TMUB2: variants seen among roughly 807,000 people sequenced by gnomAD.
TMUB2 encodes the protein transmembrane and ubiquitin-like domain-containing protein 2.
TMUB2 carries 19 observed loss-of-function variants against 20.2 expected under a neutral mutation model. The ratio of observed to expected loss-of-function variants is 0.94; its 90% CI spans 0.66 to 1.38. The LOEUF (loss-of-function observed/expected upper bound fraction) is 1.38. Among genes scored for constraint, TMUB2 ranks in the 40% most tolerant of loss-of-function variants. The pLI is 0.00. For synonymous variants in TMUB2, 186 were observed against 166.0 expected (o/e 1.12, Z -0.92); for missense variants, 426 against 402.5 (o/e 1.06, Z -0.50).
chr17:44,190,611 TTCACTGCCACCGC>T lies in TMUB2; in HGVS notation c.718_730del (p.Cys240ProfsTer71). ...CTGAACATTACCGACAACTGTGTGA[TTCACTGCCACCGC>T]TCACCCCCAGGGTCAGCTGTTCCAG... On this transcript the variant is annotated frameshift_variant, in exon 4 of 4. Transcript: ENST00000538716. LOFTEE classifies it high-confidence loss of function. 1 of 1,614,202 alleles carries T rather than the reference TTCACTGCCACCGC, an allele frequency of 6.2e-7. No individual in the cohort carries two copies. The highest frequency in any genetic ancestry group is 8.5e-7 in the Non-Finnish European group (1 of 1,180,040).
intron 2 of TMUB2, chr17:44,188,025 G>C (rs529724513): frequency 2.2e-6 from 1 of 449,156 alleles, no homozygotes; most frequent in East Asian, 3.9e-5. Context: ...TAAGTATAAT[G>C]AAGTTTTATA....
At position 44,189,153 on chromosome 17, in the gene TMUB2, C is replaced by T. The variant is rs1179679451; in HGVS notation, c.167C>T (p.Thr56Ile). 3.7e-6 allele frequency: 6 copies of T among 1,614,092 alleles called. No individual in the cohort carries two copies. The highest frequency in any genetic ancestry group is 5.1e-6 in the Non-Finnish European group (6 of 1,180,014). ...ILALVLAWLS[T>I]YVADSGSNQL... is the part of the protein sequence containing the mutation. The stretch of plus-strand genomic sequence containing the variant: ...GCCTTGGTCCTAGCTTGGCTCTCTA[C>T]CTACGTAGCAGACAGCGGTAGCAAC... Residue 56 changes from threonine (T) to isoleucine (I), a missense_variant, in exon 3 of 4, where the codon ACC (threonine) becomes ATC (isoleucine). Coordinates refer to ENST00000538716, the MANE Select transcript of TMUB2 (RefSeq NM_001076674.3).
At chr17:44,188,997 A>C in intron 2 of TMUB2, 25 bp from the exon 3 acceptor site, 2 of 1,598,080 alleles carry the variant, frequency 1.3e-6, no homozygotes. Context: ...GGCTCTGCTG[A>C]TGCTGTCCCC....
rs572974795 is a variant in TMUB2, at chr17:44,190,242, T to G, written c.603-259T>G. 7.6e-4 allele frequency: 275 copies of G among 363,940 alleles called. 1 individual carries two copies. Among genetic ancestry groups the G allele is most frequent in the African/African-American group, 5.2e-3 (239 of 45,900 alleles). The allele number at this position is 363,940 out of a possible 1,614,324, so 22.5% of individuals were successfully genotyped here. Reference sequence around the variant, plus strand: ...GGCGCACTCCTGTAGTCCCAGCTACTCGGGAGGGTGAGGCAGGAGAATTGC... The same window carrying G: ...GGCGCACTCCTGTAGTCCCAGCTACGCGGGAGGGTGAGGCAGGAGAATTGC... On this transcript the variant is annotated intron_variant, in intron 3 of 3. Coordinates refer to ENST00000538716, the MANE Select transcript of TMUB2 (RefSeq NM_001076674.3).
Position 44,190,695 on chromosome 17 carries a change from T to G in TMUB2, c.797T>G (p.Leu266Arg). 6.2e-7 allele frequency: 1 copy of G among 1,614,230 alleles called. No homozygotes were observed. The highest frequency in any genetic ancestry group is 1.3e-5 in the African/African-American group (1 of 75,062). The stretch of plus-strand genomic sequence containing the variant: ...CCCTCGGCCACTGAGCCACCCAGCC[T>G]TGGTGTCAATGTGGGCAGCCTCATG... ...LAPSATEPPS[L>R]GVNVGSLMVP... The change falls in exon 4 of 4, where the codon CTT (leucine) becomes CGT (arginine). Residue 266 changes from leucine to arginine, a missense_variant. Transcript: ENST00000538716.
rs770357375 is a variant in TMUB2, at chr17:44,190,615, C to T, written c.717C>T (p.His239=). ...SLNITDNCVI[H]CHRSPPGSAV... is the part of the protein sequence containing the mutation. Reference sequence around the variant, plus strand: ...ACATTACCGACAACTGTGTGATTCACTGCCACCGCTCACCCCCAGGGTCAG... The same window carrying T: ...ACATTACCGACAACTGTGTGATTCATTGCCACCGCTCACCCCCAGGGTCAG... The change falls in exon 4 of 4, where the codon CAC becomes CAT. Residue 239 remains histidine, a synonymous_variant. Transcript: ENST00000538716. 2 of 1,614,246 alleles carry T rather than the reference C, an allele frequency of 1.2e-6. No individual in the cohort carries two copies. Among genetic ancestry groups the T allele is most frequent in the South Asian group, 1.1e-5 (1 of 91,088 alleles).
In TMUB2 at chr17:44,191,492, C is replaced by A; in HGVS notation, c.*628C>A. On this transcript the variant is annotated 3_prime_UTR_variant, in exon 4 of 4. Transcript: ENST00000538716. ...TTTTTTAAGAGTCCTTCATAGAGCT[C>A]AGTCAGGAAGGGGATGGGGCACCAA... The A allele has an allele frequency of 1.0e-6, 1 of 985,970 alleles. No individual in the cohort carries two copies. The highest frequency in any genetic ancestry group is 1.2e-6 in the Non-Finnish European group (1 of 830,072). 61.1% of individuals were successfully genotyped at this position (985,970 alleles called of 1,614,324 possible).
In TMUB2 at chr17:44,189,220, C is replaced by T. The variant is rs373202109; in HGVS notation, c.234C>T (p.Val78=). 1.9e-6 allele frequency: 3 copies of T among 1,613,430 alleles called. No homozygotes were observed. The highest frequency in any genetic ancestry group is 2.7e-5 in the African/African-American group (2 of 74,908). ...GAIVSAGDTS[V]LHLGHVDHLV... ...TTGTGTCAGCAGGCGACACATCCGT[C>T]CTCCACCTGGGGCATGTGGACCACC... Residue 78 remains valine, a synonymous_variant, in exon 3 of 4, where the codon GTC becomes GTT. Coordinates refer to ENST00000538716, the MANE Select transcript of TMUB2 (RefSeq NM_001076674.3).
intron 1 of TMUB2, chr17:44,187,426 G>C: frequency 2.1e-6 from 1 of 471,378 alleles, no homozygotes; most frequent in Non-Finnish European, 3.8e-6. Flanking sequence ...TCACCGTGCG[G>C]TCACGGTACG....
At position 44,191,485 on chromosome 17, in the gene TMUB2, T is replaced by C. The variant is rs1323753004; in HGVS notation, c.*621T>C. Reference sequence around the variant, plus strand: ...ATTTTATTTTTTTAAGAGTCCTTCATAGAGCTCAGTCAGGAAGGGGATGGG... The same window carrying C: ...ATTTTATTTTTTTAAGAGTCCTTCACAGAGCTCAGTCAGGAAGGGGATGGG... On this transcript the variant is annotated 3_prime_UTR_variant, in exon 4 of 4. Transcript: ENST00000538716. The C allele has an allele frequency of 1.0e-6, 1 of 985,906 alleles. No homozygotes were observed. The highest frequency in any genetic ancestry group is 6.1e-5 in the Admixed American group (1 of 16,276). The allele number at this position is 985,906 out of a possible 1,614,324, so 61.1% of individuals were successfully genotyped here.
chr17:44,189,396 T>G lies in TMUB2; in HGVS notation c.410T>G (p.Leu137Arg), dbSNP rs776182870. The change falls in exon 3 of 4, where the codon CTC becomes CGC. Residue 137 changes from leucine (L) to arginine (R), a missense_variant. Physicochemically the swap from Leu to Arg is moderately radical, Grantham distance 102. Coordinates refer to ENST00000538716, the MANE Select transcript of TMUB2 (RefSeq NM_001076674.3). ...GGTGTTGAGCCCAGCCTTGAGCATC[T>G]CCTTGACATCCAAGGCCTGCCCAAA... Reference protein sequence around the residue: ...GGGVEPSLEHLLDIQGLPKRQ... With the variant: ...GGGVEPSLEHRLDIQGLPKRQ... The G allele has an allele frequency of 9.9e-6, 16 of 1,613,690 alleles. No homozygotes were observed. Among genetic ancestry groups the G allele is most frequent in the Non-Finnish European group, 1.3e-5 (15 of 1,179,828 alleles).
rs1410480327 is a variant in TMUB2, at chr17:44,191,309, T to C, written c.*445T>C. The C allele has an allele frequency of 2.0e-6, 2 of 992,650 alleles. No individual in the cohort carries two copies. Among genetic ancestry groups the C allele is most frequent in the Non-Finnish European group, 2.4e-6 (2 of 834,084 alleles). 61.5% of individuals were successfully genotyped at this position (992,650 alleles called of 1,614,324 possible). On this transcript the variant is annotated 3_prime_UTR_variant, in exon 4 of 4. Coordinates refer to ENST00000538716, the MANE Select transcript of TMUB2 (RefSeq NM_001076674.3). ...AGTATCCTTCCATTTCTCAGCCAAA[T>C]ACTCATCTTTTGAGACTGAAATCAC...
rs555469603 is a variant in TMUB2 at position 44,191,152 on chromosome 17, C to T, written c.*288C>T. 1.7e-6 allele frequency: 2 copies of T among 1,151,546 alleles called. No individual in the cohort carries two copies. The highest frequency in any genetic ancestry group is 5.6e-5 in the East Asian group (1 of 17,706). The allele number at this position is 1,151,546 out of a possible 1,614,324, so 71.3% of individuals were successfully genotyped here. ...GCTGCTGGCCAAGCTCAGTGGGGAG[C>T]CTGGGCTCTGAGATTCCCTCCCACC... On this transcript the variant is annotated 3_prime_UTR_variant, in exon 4 of 4. Coordinates refer to ENST00000538716, the MANE Select transcript of TMUB2 (RefSeq NM_001076674.3).
At chr17:44,187,562 C>T (rs2054631599) in intron 1 of TMUB2, 114 bp from the exon 2 acceptor site, 9 of 650,526 alleles carry the variant, frequency 1.4e-5, no homozygotes, top group Non-Finnish European at 2.3e-5. Flanking sequence ...CTTTCTTTGC[C>T]GCAGTTTCTT....
In TMUB2 at chr17:44,189,603, A is replaced by G. The variant is rs1461565200; in HGVS notation, c.602+15A>G. ...GCCCTGAAGAGGTGAGTGGCCTGGG[A>G]AGTGGGAAGCTGCTTGTGCTCATCC... On this transcript the variant is annotated intron_variant, in intron 3 of 3. Transcript: ENST00000538716. 9 of 1,547,498 alleles carry G rather than the reference A, an allele frequency of 5.8e-6. No homozygotes were observed. The highest frequency in any genetic ancestry group is 7.0e-6 in the Non-Finnish European group (8 of 1,148,224).
intron 3 of TMUB2, 82 bp downstream of exon 3, chr17:44,189,670 G>A: frequency 7.6e-7 from 1 of 1,313,204 alleles, no homozygotes; most frequent in Non-Finnish European, 1.0e-6. Flanking sequence ...TGCAGACATG[G>A]GAGCTGCAGC....
In TMUB2 at chr17:44,191,187, G is replaced by C; in HGVS notation, c.*323G>C. On this transcript the variant is annotated 3_prime_UTR_variant, in exon 4 of 4. Transcript: ENST00000538716. ...GAGATTCCCTCCCACCTGTGGTTCT[G>C]ACTCTTCCCAGTGTCCTGCATGTCT... 5 of 1,112,320 alleles carry C rather than the reference G, an allele frequency of 4.5e-6. No individual in the cohort carries two copies. In the South Asian group the frequency reaches 1.0e-4, roughly 23 times the overall value. The allele number at this position is 1,112,320 out of a possible 1,614,324, so 68.9% of individuals were successfully genotyped here.
rs1483037343 is a variant in TMUB2 at position 44,191,512 on chromosome 17, C to T, written c.*648C>T. ...GAGCTCAGTCAGGAAGGGGATGGGG[C>T]ACCAAGCCAAGCCCCCAGCATTGGG... On this transcript the variant is annotated 3_prime_UTR_variant, in exon 4 of 4. Transcript: ENST00000538716. 3.0e-6 allele frequency: 3 copies of T among 985,996 alleles called. No individual in the cohort carries two copies. The South Asian group carries it at 1.4e-4, about 46-fold the overall frequency. 61.1% of individuals were successfully genotyped at this position (985,996 alleles called of 1,614,324 possible). A position where few individuals can be genotyped will look rare whatever the true frequency, so the allele number is the denominator to read the frequency against.
In TMUB2 at chr17:44,191,068, C is replaced by T; in HGVS notation, c.*204C>T. 1.5e-6 allele frequency: 2 copies of T among 1,370,658 alleles called. No individual in the cohort carries two copies. The highest frequency in any genetic ancestry group is 2.8e-5 in the East Asian group (1 of 35,514). 84.9% of individuals were successfully genotyped at this position (1,370,658 alleles called of 1,614,324 possible). A position where few individuals can be genotyped will look rare whatever the true frequency, so the allele number is the denominator to read the frequency against. On this transcript the variant is annotated 3_prime_UTR_variant, in exon 4 of 4. Transcript: ENST00000538716. Reference sequence around the variant, plus strand: ...ATGTCCCTCCCGTGCGAGCACAACTCAGGTAGAAATGAGGATGTCATCTTC... The same window carrying T: ...ATGTCCCTCCCGTGCGAGCACAACTTAGGTAGAAATGAGGATGTCATCTTC...
Sources: gnomAD v4.1 joint callset for allele counts on GRCh38, gnomAD v4.1.1 for gene constraint, MANE v1.5 for transcripts, NCBI Gene and HGNC (gene_info 2026-07-23, HGNC 2026-07-21) for gene names.